ABCA13: variants seen among roughly 807,000 people sequenced by gnomAD.
The protein encoded by ABCA13 is ATP-binding cassette sub-family A member 13.
In ABCA13, 476 loss-of-function variants were observed where a neutral mutation model predicts 478.7. That is an observed-to-expected ratio of 0.99 (90% CI 0.92 to 1.07). The LOEUF (loss-of-function observed/expected upper bound fraction) is 1.07. ABCA13 is among the 50% of genes least tolerant of loss of function. The probability of loss-of-function intolerance (pLI) is 0.00; values close to 1 mark genes in which losing one functional copy is unlikely to be tolerated. For synonymous variants in ABCA13, 2,252 were observed against 2,158.9 expected, an observed-to-expected ratio of 1.04 and a Z score of -1.20; for missense variants, 6,060 against 5,910.6, an observed-to-expected ratio of 1.03 and a Z score of -0.83.
intron 20 of ABCA13, among the ~76,000 whole-genome samples, chr7:48,291,561 A>G (rs1364112667): frequency 6.6e-6 from 1 of 152,134 alleles, no homozygotes; most frequent in East Asian, 1.9e-4. Context: ...AGCTCAATCC[A>G]GTTGGATCCT....
intron 29 of ABCA13, among the ~76,000 whole-genome samples, chr7:48,344,078 A>G (rs1474688052): frequency 6.6e-6 from 1 of 152,244 alleles, no homozygotes. Context: ...CATTAAAACC[A>G]GACTGAAAGT....
chr7:48,249,629 A>G, intron 15 of ABCA13, among the ~76,000 whole-genome samples: 1 of 152,132 alleles, frequency 6.6e-6, no homozygotes, highest in East Asian at 1.9e-4. Flanking sequence ...GGTGATAAAT[A>G]CTTCTATATG....
intron 41 of ABCA13, among the ~76,000 whole-genome samples, chr7:48,424,748 G>A (rs761624359): frequency 1.3e-5 from 2 of 152,218 alleles, no homozygotes; most frequent in Non-Finnish European, 2.9e-5. Flanking sequence ...GAGTTTTACA[G>A]TTGCTGTCTG....
At chr7:48,512,113 CACTA>C (rs1354681269) in intron 51 of ABCA13, among the ~76,000 whole-genome samples, 4 of 151,322 alleles carry the variant, frequency 2.6e-5, no homozygotes, top group East Asian at 3.9e-4. Context: ...GGGAAAGAGA[CACTA>C]AGAGAGAGAG....
intron 47 of ABCA13, 42 bp from the exon 48 acceptor site, chr7:48,489,194 G>A: frequency 6.7e-7 from 1 of 1,482,246 alleles, no homozygotes; most frequent in Non-Finnish European, 9.3e-7. Flanking sequence ...AGACTTACGA[G>A]CTAATTTCGT....
At chr7:48,517,566 C>T (rs1037564159) in intron 52 of ABCA13, among the ~76,000 whole-genome samples, 13 of 152,130 alleles carry the variant, frequency 8.5e-5, no homozygotes, top group Non-Finnish European at 1.5e-4. Context: ...TTAGTCCTGC[C>T]ACATTCCTTT....
At chr7:48,236,469 A>G (rs1047451058) in intron 8 of ABCA13, among the ~76,000 whole-genome samples, 13 of 152,194 alleles carry the variant, frequency 8.5e-5, no homozygotes, top group Admixed American at 6.5e-4. Flanking sequence ...AAAATAATCC[A>G]TATGCCAAAG....
chr7:48,274,897 T>A lies in ABCA13; in HGVS notation c.5231T>A (p.Ile1744Lys). Residue 1744 changes from isoleucine to lysine, a missense_variant, in exon 17 of 62, where the codon ATA becomes AAA. This residue lies in a region of ABCA13 where 4,423 missense variants were observed against 4,309.1 expected (regional missense o/e 1.03). Transcript: ENST00000435803. ...LFPKDVVDAV[I>K]DVYYVLPHAV... ...CCTAAAGATGTTGTGGATGCTGTGA[T>A]AGATGTGTACTATGTGCTTCCTCAT... The A allele has an allele frequency of 6.2e-7, 1 of 1,613,972 alleles. No homozygotes were observed. Among genetic ancestry groups the A allele is most frequent in the African/African-American group, 1.3e-5 (1 of 75,056 alleles).
chr7:48,381,292 G>T (rs1184054861), intron 35 of ABCA13, among the ~76,000 whole-genome samples: 1 of 152,046 alleles, frequency 6.6e-6, no homozygotes, highest in African/African-American at 2.4e-5. Flanking sequence ...GGGTAGGAGG[G>T]TGTCTCCAGA....
At chr7:48,290,124 C>G (rs1798300699) in intron 20 of ABCA13, among the ~76,000 whole-genome samples, 1 of 152,226 alleles carries the variant, frequency 6.6e-6, no homozygotes, top group Admixed American at 6.5e-5. Context: ...TTGGGGCTGT[C>G]AACTCCTTAC....
chr7:48,430,579 G>A (rs1209600131), intron 42 of ABCA13, among the ~76,000 whole-genome samples: 3 of 151,220 alleles, frequency 2.0e-5, no homozygotes, highest in African/African-American at 2.4e-5. Flanking sequence ...GGAGGCGGAG[G>A]CAGAGAATTG....
chr7:48,529,428 A>G (rs1201259324), intron 55 of ABCA13, among the ~76,000 whole-genome samples: 1 of 151,910 alleles, frequency 6.6e-6, no homozygotes, highest in Non-Finnish European at 1.5e-5. Flanking sequence ...CTTTTTTCCC[A>G]CTACAGCAAA....
intron 55 of ABCA13, among the ~76,000 whole-genome samples, chr7:48,541,263 G>C (rs910710321): frequency 1.3e-5 from 2 of 152,062 alleles, no homozygotes; most frequent in East Asian, 3.9e-4. Context: ...TTTTGGATTT[G>C]GATTGGCGTT....
intron 4 of ABCA13, among the ~76,000 whole-genome samples, 153 bp from the exon 5 acceptor site, chr7:48,221,128 T>C (rs556845214): frequency 6.6e-6 from 1 of 152,354 alleles, no homozygotes; most frequent in Non-Finnish European, 1.5e-5. Flanking sequence ...ATAAATCTTA[T>C]GAAGATAGAT....
intron 59 of ABCA13, among the ~76,000 whole-genome samples, chr7:48,641,870 A>G (rs1409477262): frequency 2.0e-5 from 3 of 152,130 alleles, no homozygotes; most frequent in East Asian, 1.9e-4. Context: ...TGAAGACACA[A>G]TGGGTTGATC....
In ABCA13 at chr7:48,273,289, TC is replaced by T. The variant is rs1193419636; in HGVS notation, c.3624del (p.Ile1209TyrfsTer2). ...CTTCCCACCCATAATGTTGCTAGAC[TC>T]ATATTAAATTTGTTTAAAAATGTAA... ...GILPTHNVAR[L>X]ILNLFKNVTQ... On this transcript the variant is annotated frameshift_variant, in exon 17 of 62. Coordinates refer to ENST00000435803, the MANE Select transcript of ABCA13 (RefSeq NM_152701.5). LOFTEE classifies it high-confidence loss of function. The T allele has an allele frequency of 6.2e-7, 1 of 1,613,652 alleles. No individual in the cohort carries two copies. Among genetic ancestry groups the T allele is most frequent in the East Asian group, 2.2e-5 (1 of 44,856 alleles).
At chr7:48,371,551 T>C in intron 32 of ABCA13, among the ~76,000 whole-genome samples, 1 of 152,182 alleles carries the variant, frequency 6.6e-6, no homozygotes, top group East Asian at 1.9e-4. Context: ...TTTGTGGCAA[T>C]TGTGAATGGG....
At chr7:48,489,203 G>GT in intron 47 of ABCA13, 33 bp from the exon 48 acceptor site, 1 of 1,526,470 alleles carries the variant, frequency 6.6e-7, no homozygotes, top group Non-Finnish European at 9.0e-7. Context: ...AGCTAATTTC[G>GT]TGAGAGCCAT....
intron 15 of ABCA13, among the ~76,000 whole-genome samples, chr7:48,249,900 C>T (rs779252543): frequency 2.6e-5 from 4 of 152,180 alleles, no homozygotes; most frequent in South Asian, 2.1e-4. Context: ...ATTCAATTCT[C>T]GCACTGTCTG....
Sources: allele counts gnomAD v4.1 joint callset (sites outside exome capture counted in the v4.1 genomes callset), GRCh38; gene constraint gnomAD v4.1.1; regional missense constraint gnomAD v4.1.1; transcripts MANE v1.5; gene names NCBI Gene and HGNC (gene_info 2026-07-23, HGNC 2026-07-21).